The following PDIA5 variants were observed in gnomAD, a reference collection of about 807,000 sequenced individuals.
PDIA5 encodes protein disulfide isomerase family A member 5.
PDIA5 carries 58 observed loss-of-function variants against 77.6 expected under a neutral mutation model. The ratio of observed to expected loss-of-function variants is 0.75; its 90% CI spans 0.61 to 0.93. PDIA5 has a LOEUF of 0.93. Among genes scored for constraint, PDIA5 ranks in the 40% least tolerant of loss-of-function variants. PDIA5 has a pLI of 0.00. For synonymous variants in PDIA5, 250 were observed against 252.1 expected (o/e 0.99, Z 0.08); for missense variants, 630 against 647.7 (o/e 0.97, Z 0.30).
intron 15 of PDIA5, among the ~76,000 whole-genome samples, chr3:123,156,346 C>G (rs1936019514): frequency 6.6e-6 from 1 of 152,214 alleles, no homozygotes; most frequent in Admixed American, 6.5e-5. Flanking sequence ...TGAGGCACCC[C>G]TCACCCCCAC....
At chr3:123,119,981 G>C (rs1425678618) in intron 8 of PDIA5, among the ~76,000 whole-genome samples, 1 of 152,178 alleles carries the variant, frequency 6.6e-6, no homozygotes, top group Non-Finnish European at 1.5e-5. Context: ...TGCCTCTTTT[G>C]TGCTGTCATT....
At chr3:123,146,759 C>G (rs765412896) in intron 13 of PDIA5, among the ~76,000 whole-genome samples, 1 of 152,144 alleles carries the variant, frequency 6.6e-6, no homozygotes, top group Non-Finnish European at 1.5e-5. Context: ...AGTAACAGAC[C>G]AGGTGGCTCA....
Position 123,156,703 on chromosome 3 carries a change from G to T in PDIA5, c.1344+1662G>T, listed in dbSNP as rs78374432. Among the ~76,000 whole-genome samples the T allele has an allele frequency of 6.8e-3, 1,037 of 152,266 alleles. 13 individuals carry two copies. Among genetic ancestry groups the T allele is most frequent in the African/African-American group, 0.024 (977 of 41,552 alleles). On this transcript the variant is annotated intron_variant, in intron 15 of 16. Transcript: ENST00000316218. ...CCATAGGCCCCAGGAGATCTGTGAG[G>T]GTCCTGAGGCATGACTGGCAGACAG...
chr3:123,135,523 C>T (rs953330775), intron 11 of PDIA5, among the ~76,000 whole-genome samples: 31 of 152,210 alleles, frequency 2.0e-4, no homozygotes, highest in African/African-American at 7.5e-4. Flanking sequence ...TTGCCTCCAG[C>T]ATGTATCTGC....
At chr3:123,137,410 A>G (rs569144502) in intron 11 of PDIA5, among the ~76,000 whole-genome samples, 1 of 152,290 alleles carries the variant, frequency 6.6e-6, no homozygotes, top group South Asian at 2.1e-4. Context: ...AATTATAGAT[A>G]TTAATCTTTA....
intron 1 of PDIA5, among the ~76,000 whole-genome samples, chr3:123,083,984 C>G (rs1055594372): frequency 6.6e-6 from 1 of 152,132 alleles, no homozygotes; most frequent in Admixed American, 6.5e-5. Context: ...GGGTGAGGGT[C>G]TGTCTGAGGC....
intron 10 of PDIA5, among the ~76,000 whole-genome samples, chr3:123,129,775 C>T (rs702031): frequency 1.1e-4 from 16 of 152,086 alleles, no homozygotes; most frequent in Non-Finnish European, 2.1e-4. Context: ...AGAGGTCAGG[C>T]GGCTGCCTAA....
chr3:123,111,820 T>A (rs1934869383), intron 7 of PDIA5, among the ~76,000 whole-genome samples: 1 of 152,254 alleles, frequency 6.6e-6, no homozygotes, highest in Non-Finnish European at 1.5e-5. Flanking sequence ...ACTCTTGCCC[T>A]TACTATTGCC....
At chr3:123,105,284 C>G (rs1934698765) in intron 5 of PDIA5, among the ~76,000 whole-genome samples, 1 of 152,126 alleles carries the variant, frequency 6.6e-6, no homozygotes, top group African/African-American at 2.4e-5. Context: ...CTTGTGCACC[C>G]TAGATTAAGA....
chr3:123,074,395 T>G (rs1391394432), intron 1 of PDIA5, among the ~76,000 whole-genome samples: 3 of 152,242 alleles, frequency 2.0e-5, no homozygotes, highest in African/African-American at 7.2e-5. Flanking sequence ...GAAAGCCTTC[T>G]CTGAGAACCT....
intron 1 of PDIA5, among the ~76,000 whole-genome samples, chr3:123,087,694 G>A (rs1422654031): frequency 6.6e-6 from 1 of 151,376 alleles, no homozygotes; most frequent in African/African-American, 2.4e-5. Flanking sequence ...GGTTTGTTCT[G>A]GTCTCTGTCT....
intron 7 of PDIA5, among the ~76,000 whole-genome samples, chr3:123,114,506 A>G (rs1425544469): frequency 6.6e-6 from 1 of 152,236 alleles, no homozygotes; most frequent in Non-Finnish European, 1.5e-5. Context: ...CCACTTGCCC[A>G]AGATCACCCA....
chr3:123,074,061 G>T (rs1016685483), intron 1 of PDIA5, among the ~76,000 whole-genome samples: 1 of 152,236 alleles, frequency 6.6e-6, no homozygotes, highest in Non-Finnish European at 1.5e-5. Context: ...CCTGGGCAGA[G>T]TATTAGTACA....
At chr3:123,084,273 C>T (rs1331976827) in intron 1 of PDIA5, among the ~76,000 whole-genome samples, 1 of 152,172 alleles carries the variant, frequency 6.6e-6, no homozygotes, top group East Asian at 1.9e-4. Flanking sequence ...GCTGGGTAGA[C>T]TTTCTCTCCT....
intron 3 of PDIA5, among the ~76,000 whole-genome samples, chr3:123,097,112 A>T (rs1000805879): frequency 2.0e-5 from 3 of 152,248 alleles, no homozygotes; most frequent in Non-Finnish European, 4.4e-5. Flanking sequence ...GGGGCCTGCC[A>T]GAGCAGGCAT....
chr3:123,153,657 C>G (rs1935960308), intron 14 of PDIA5, among the ~76,000 whole-genome samples: 1 of 152,124 alleles, frequency 6.6e-6, no homozygotes, highest in Admixed American at 6.6e-5. Flanking sequence ...CCTCTACACC[C>G]CCACCCCCCA....
intron 3 of PDIA5, among the ~76,000 whole-genome samples, chr3:123,093,104 C>T (rs983334403): frequency 1.5e-4 from 23 of 152,268 alleles, no homozygotes; most frequent in African/African-American, 5.1e-4. Context: ...GGTTACTTTT[C>T]GAGTGAATTT....
intron 8 of PDIA5, among the ~76,000 whole-genome samples, chr3:123,121,111 C>G (rs549543048): frequency 2.6e-4 from 39 of 152,342 alleles, no homozygotes; most frequent in African/African-American, 9.4e-4. Context: ...TCAGCCTTTT[C>G]TTTCATGTCT....
chr3:123,130,520 G>A lies in PDIA5; in HGVS notation c.814G>A (p.Ala272Thr). The change falls in exon 11 of 17, where the codon GCA becomes ACA. Residue 272 changes from alanine to threonine, a missense_variant. Transcript: ENST00000316218. ...PQPQVPETPW[A>T]DEGGSVYHLT... Reference sequence around the variant, plus strand: ...GCCCCAGGTCCCTGAGACTCCCTGGGCAGATGAGGGCGGCTCCGTTTATCA... The same window carrying A: ...GCCCCAGGTCCCTGAGACTCCCTGGACAGATGAGGGCGGCTCCGTTTATCA... The A allele has an allele frequency of 6.2e-7, 1 of 1,614,120 alleles. No homozygotes were observed.
Sources: gnomAD v4.1 joint callset for allele counts (sites outside exome capture counted in the v4.1 genomes callset) on GRCh38, gnomAD v4.1.1 for gene constraint, MANE v1.5 for transcripts, NCBI Gene and HGNC (gene_info 2026-07-23, HGNC 2026-07-21) for gene names.